The following MYO1E variants were observed in gnomAD, a reference collection of about 807,000 sequenced individuals.
The protein encoded by MYO1E is myosin IE, also known as unconventional myosin-Ie.
Under a neutral mutation model 151.1 loss-of-function variants are expected in MYO1E, and 68 were observed. The observed-to-expected ratio is 0.45, with a 90% CI of 0.37 to 0.55. The LOEUF (loss-of-function observed/expected upper bound fraction) is 0.55. Ranked by LOEUF, MYO1E falls within the 20% of genes least tolerant of loss-of-function variation. The pLI is 0.00. For synonymous variants in MYO1E, 601 were observed against 501.7 expected (o/e 1.20, Z -2.64); for missense variants, 1,363 against 1,389.3 (o/e 0.98, Z 0.30).
At position 59,172,058 on chromosome 15, in the gene MYO1E, C is replaced by T; in HGVS notation, c.2335-16G>A. The T allele has an allele frequency of 1.2e-6, 2 of 1,613,030 alleles. No individual in the cohort carries two copies. Among genetic ancestry groups the T allele is most frequent in the Non-Finnish European group, 1.7e-6 (2 of 1,179,964 alleles). On this transcript the variant is annotated splice_polypyrimidine_tract_variant and intron_variant, in intron 21 of 27. Coordinates refer to ENST00000288235, the MANE Select transcript of MYO1E (RefSeq NM_004998.4). ...GCTTTACACCCTGTAAGGAGAGGAG[C>T]TTTAAGAAGCTGGACAGGCCAGGCA...
At chr15:59,158,419 T>A in intron 24 of MYO1E, 40 bp from the exon 25 acceptor site, 1 of 1,493,332 alleles carries the variant, frequency 6.7e-7, no homozygotes, top group Non-Finnish European at 9.1e-7. Context: ...GTGCTACTGG[T>A]TGGTTTTATG....
chr15:59,315,075 G>A lies in MYO1E; in HGVS notation c.4-42626C>T, dbSNP rs148300141. On this transcript the variant is annotated intron_variant, in intron 1 of 27. Transcript: ENST00000288235. ...ATCTCCAGGCCTCATGGAGCCTGGG[G>A]GCCACCAGCTTACAGCTTCTGATGG... 5.8e-3 allele frequency among the ~76,000 whole-genome samples: 889 copies of A among 152,238 alleles called. 8 individuals are homozygous for A. Among genetic ancestry groups the A allele is most frequent in the African/African-American group, 0.021 (854 of 41,542 alleles).
chr15:59,319,838 G>A (rs1454791923), intron 1 of MYO1E, among the ~76,000 whole-genome samples: 1 of 152,014 alleles, frequency 6.6e-6, no homozygotes, highest in Non-Finnish European at 1.5e-5. Flanking sequence ...AGAGGCAGAG[G>A]TTGCAGTGAG....
intron 10 of MYO1E, among the ~76,000 whole-genome samples, chr15:59,215,384 G>C (rs1173716308): frequency 6.6e-6 from 1 of 152,118 alleles, no homozygotes; most frequent in Non-Finnish European, 1.5e-5. Flanking sequence ...TTTCCACATG[G>C]ATACACCAAG....
At chr15:59,340,439 CA>C (rs2140428658) in intron 1 of MYO1E, among the ~76,000 whole-genome samples, 1 of 152,062 alleles carries the variant, frequency 6.6e-6, no homozygotes, top group Non-Finnish European at 1.5e-5. Context: ...TTTCTCTAGA[CA>C]GTCTAATTTC....
At chr15:59,257,264 A>T (rs2080198992) in intron 3 of MYO1E, among the ~76,000 whole-genome samples, 1 of 152,170 alleles carries the variant, frequency 6.6e-6, no homozygotes, top group South Asian at 2.1e-4. Flanking sequence ...GAGGCAGAAG[A>T]GTTGTTTAAC....
At chr15:59,332,032 G>C (rs1208567098) in intron 1 of MYO1E, among the ~76,000 whole-genome samples, 1 of 152,200 alleles carries the variant, frequency 6.6e-6, no homozygotes, top group Non-Finnish European at 1.5e-5. Context: ...CTAGGTTCTA[G>C]ATAAAAATTG....
chr15:59,267,736 G>C (rs181407361), intron 2 of MYO1E, among the ~76,000 whole-genome samples: 1 of 152,294 alleles, frequency 6.6e-6, no homozygotes, highest in African/African-American at 2.4e-5. Context: ...TCGGCCAAGT[G>C]GTCAGAAGTG....
At chr15:59,149,362 A>T (rs2079462986) in intron 26 of MYO1E, among the ~76,000 whole-genome samples, 1 of 152,136 alleles carries the variant, frequency 6.6e-6, no homozygotes, top group Non-Finnish European at 1.5e-5. Context: ...GGCCTGGATG[A>T]ACTGTTAATA....
intron 7 of MYO1E, among the ~76,000 whole-genome samples, chr15:59,226,210 T>C (rs1386136611): frequency 6.6e-6 from 1 of 152,228 alleles, no homozygotes; most frequent in Non-Finnish European, 1.5e-5. Flanking sequence ...TTTTAATCAT[T>C]TATATACTTT....
At chr15:59,313,044 G>A (rs756500171) in intron 1 of MYO1E, among the ~76,000 whole-genome samples, 1 of 152,154 alleles carries the variant, frequency 6.6e-6, no homozygotes, top group African/African-American at 2.4e-5. Flanking sequence ...CTCTGGGCAT[G>A]GGGGTGGGGC....
At chr15:59,347,153 T>TGGCTGGTGAGC (rs1187766068) in intron 1 of MYO1E, among the ~76,000 whole-genome samples, 2 of 152,126 alleles carry the variant, frequency 1.3e-5, no homozygotes, top group African/African-American at 2.4e-5. Context: ...AGCAGGTGAG[T>TGGCTGGTGAGC]GGCTGGTGAG....
intron 25 of MYO1E, among the ~76,000 whole-genome samples, 174 bp from the exon 26 acceptor site, chr15:59,153,965 C>A (rs1269235060): frequency 6.6e-6 from 1 of 152,230 alleles, no homozygotes; most frequent in Non-Finnish European, 1.5e-5. Flanking sequence ...AGAATTAGAG[C>A]TGATTCCCTG....
At chr15:59,290,671 T>A (rs2080413773) in intron 1 of MYO1E, among the ~76,000 whole-genome samples, 1 of 152,200 alleles carries the variant, frequency 6.6e-6, no homozygotes, top group Non-Finnish European at 1.5e-5. Context: ...TGAATATGTT[T>A]AAAATAACCT....
intron 26 of MYO1E, among the ~76,000 whole-genome samples, chr15:59,151,068 CACTT>C (rs2079475092): frequency 6.8e-6 from 1 of 146,306 alleles, no homozygotes; most frequent in Non-Finnish European, 1.5e-5. Flanking sequence ...CGCGCACGTG[CACTT>C]AGAGAGAGGT....
Position 59,137,003 on chromosome 15 carries a change from C to G in MYO1E, c.*377G>C, listed in dbSNP as rs576784312. Reference sequence around the variant, plus strand: ...GAAATGTGCTCTTCAACTAAAGGCACTTGTCAGCGGCCACCTACAGCCATT... The same window carrying G: ...GAAATGTGCTCTTCAACTAAAGGCAGTTGTCAGCGGCCACCTACAGCCATT... On this transcript the variant is annotated 3_prime_UTR_variant, in exon 28 of 28. Coordinates refer to ENST00000288235, the MANE Select transcript of MYO1E (RefSeq NM_004998.4). 2.7e-6 allele frequency: 1 copy of G among 365,308 alleles called. No homozygotes were observed. The highest frequency in any genetic ancestry group is 5.4e-6 in the Non-Finnish European group (1 of 186,684). 22.6% of individuals were successfully genotyped at this position (365,308 alleles called of 1,614,324 possible). A position where few individuals can be genotyped will look rare whatever the true frequency, so the allele number is the denominator to read the frequency against.
At chr15:59,294,392 A>C (rs752575328) in intron 1 of MYO1E, among the ~76,000 whole-genome samples, 1 of 152,184 alleles carries the variant, frequency 6.6e-6, no homozygotes, top group Admixed American at 6.5e-5. Context: ...CTGGAATCTC[A>C]CTACTTCCTA....
rs1393794548 is a variant in MYO1E at position 59,134,389 on chromosome 15, G to A, written c.*2991C>T. On this transcript the variant is annotated 3_prime_UTR_variant, in exon 28 of 28. Coordinates refer to ENST00000288235, the MANE Select transcript of MYO1E (RefSeq NM_004998.4). Reference sequence around the variant, plus strand: ...ACACTGTGGAAGAGACGGCCCTTTTGCATGTCTTTAAGCCAGTTGGCCAGG... The same window carrying A: ...ACACTGTGGAAGAGACGGCCCTTTTACATGTCTTTAAGCCAGTTGGCCAGG... The A allele has an allele frequency of 6.6e-6, 1 of 152,188 alleles. No homozygotes were observed. The highest frequency in any genetic ancestry group is 1.5e-5 in the Non-Finnish European group (1 of 68,064). The allele number at this position is 152,188 out of a possible 1,614,324, so 9.4% of individuals were successfully genotyped here.
chr15:59,253,146 T>C (rs1337349629), intron 4 of MYO1E, among the ~76,000 whole-genome samples: 1 of 152,238 alleles, frequency 6.6e-6, no homozygotes, highest in Admixed American at 6.5e-5. Context: ...TGAGTAATAC[T>C]GAAAATAAAA....
Sources: allele counts gnomAD v4.1 joint callset (sites outside exome capture counted in the v4.1 genomes callset), GRCh38; gene constraint gnomAD v4.1.1; transcripts MANE v1.5; gene names NCBI Gene and HGNC (gene_info 2026-07-23, HGNC 2026-07-21).